CPLX2: variants seen among roughly 807,000 people sequenced by gnomAD.
The protein encoded by CPLX2 is complexin-2.
A neutral mutation model predicts 16.3 loss-of-function variants in CPLX2; 5 were observed. That is an observed-to-expected ratio of 0.31 (90% CI 0.16 to 0.64). CPLX2 has a LOEUF of 0.64. Ranked by LOEUF, CPLX2 falls within the 30% of genes least tolerant of loss-of-function variation. The pLI is 0.79. For missense variants in CPLX2, 144 were observed against 181.4 expected (o/e 0.79, Z 1.18); for synonymous variants, 89 against 73.2 (o/e 1.22, Z -1.10).
intron 1 of CPLX2, among the ~76,000 whole-genome samples, chr5:175,873,482 G>A (rs1211734672): frequency 8.5e-5 from 13 of 152,098 alleles, no homozygotes; most frequent in Non-Finnish European, 1.9e-4. Context: ...GTCCTGAGAG[G>A]AGCTCAGAGT....
intron 2 of CPLX2, among the ~76,000 whole-genome samples, chr5:175,836,077 G>A (rs141714200): frequency 1.1e-4 from 16 of 152,278 alleles, no homozygotes; most frequent in East Asian, 9.7e-4. Context: ...TAGGCCAGGC[G>A]CGGTGGCTCA....
chr5:175,829,072 A>G (rs909710891), intron 2 of CPLX2, among the ~76,000 whole-genome samples: 4 of 152,196 alleles, frequency 2.6e-5, no homozygotes, highest in African/African-American at 9.6e-5. Context: ...GGACCCTGGG[A>G]ATAGGCCTCT....
chr5:175,875,521 T>A (rs1759737997), intron 1 of CPLX2, among the ~76,000 whole-genome samples: 1 of 152,336 alleles, frequency 6.6e-6, no homozygotes, highest in African/African-American at 2.4e-5. Context: ...CCATTATAAT[T>A]CTCATTTTAT....
At chr5:175,873,932 T>A (rs1416616884) in intron 1 of CPLX2, among the ~76,000 whole-genome samples, 1 of 152,356 alleles carries the variant, frequency 6.6e-6, no homozygotes, top group South Asian at 2.1e-4. Flanking sequence ...GGGAATAGCA[T>A]GCACAAATGC....
In CPLX2 at chr5:175,818,650, C is replaced by CTTTTTT. The variant is rs70988300; in HGVS notation, c.-89+9606_-89+9611dup. 8.3e-4 allele frequency among the ~76,000 whole-genome samples: 42 copies of CTTTTTT among 50,866 alleles called. 7 individuals are homozygous for CTTTTTT. The highest frequency in any genetic ancestry group is 2.5e-3 in the Admixed American group (7 of 2,804). 33.4% of individuals were successfully genotyped at this position (50,866 alleles called of 152,430 possible). On this transcript the variant is annotated intron_variant, in intron 2 of 4. Coordinates refer to the CPLX2 transcript ENST00000359546. ...CTGCAAAAGGAGCTGCTGTCCCAAC[C>CTTTTTT]TTTTTTTTTTTTTTTTTTTTTTTTT... is the stretch of plus-strand genomic sequence containing the variant.
chr5:175,870,874 G>A (rs1249505370), upstream of CPLX2, among the ~76,000 whole-genome samples: 1 of 152,168 alleles, frequency 6.6e-6, no homozygotes, highest in Non-Finnish European at 1.5e-5. Context: ...GCGCAGTGGA[G>A]GTTCCTGACC....
At chr5:175,856,212 C>T (rs1271639893) in intron 2 of CPLX2, among the ~76,000 whole-genome samples, 4 of 152,206 alleles carry the variant, frequency 2.6e-5, no homozygotes, top group African/African-American at 9.7e-5. Flanking sequence ...TAGTACTTAC[C>T]TCATAAGGTG....
rs2113724315 is a variant in CPLX2, at chr5:175,883,420, C to T, written c.*3375C>T. 1 of 152,434 alleles carries T rather than the reference C, an allele frequency of 6.6e-6. No individual in the cohort carries two copies. The highest frequency in any genetic ancestry group is 2.4e-5 in the African/African-American group (1 of 41,548). The allele number at this position is 152,434 out of a possible 1,614,324, so 9.4% of individuals were successfully genotyped here. A position where few individuals can be genotyped will look rare whatever the true frequency, so the allele number is the denominator to read the frequency against. ...GTGTGTGTAAGAGAGAGAGAGAGAA[C>T]AGGGAGGATACAGAAGTATTGCAGC... is the stretch of plus-strand genomic sequence containing the variant. On this transcript the variant is annotated 3_prime_UTR_variant, in exon 4 of 4. Coordinates refer to ENST00000393745, the MANE Select transcript of CPLX2 (RefSeq NM_001008220.2).
rs1213491149 is a variant in CPLX2 at position 175,883,931 on chromosome 5, A to T, written c.*3886A>T. ...CTCAGCCCCCCTGAACCTGACCAAA[A>T]GCCATGGCTGTTGCTCCCCCCTTTG... On this transcript the variant is annotated 3_prime_UTR_variant, in exon 4 of 4. Coordinates refer to ENST00000393745, the MANE Select transcript of CPLX2 (RefSeq NM_001008220.2). 6.5e-6 allele frequency: 1 copy of T among 152,728 alleles called. No individual in the cohort carries two copies. Among genetic ancestry groups the T allele is most frequent in the Non-Finnish European group, 1.5e-5 (1 of 68,200 alleles). The allele number at this position is 152,728 out of a possible 1,614,324, so 9.5% of individuals were successfully genotyped here. A position where few individuals can be genotyped will look rare whatever the true frequency, so the allele number is the denominator to read the frequency against.
At chr5:175,815,665 C>A (rs984254283) in intron 2 of CPLX2, among the ~76,000 whole-genome samples, 2 of 152,208 alleles carry the variant, frequency 1.3e-5, no homozygotes, top group African/African-American at 2.4e-5. Flanking sequence ...GAACTAACTT[C>A]TACTCATCCA....
chr5:175,878,455 C>T (rs1755464624), intron 1 of CPLX2, 197 bp from the exon 2 acceptor site: 5 of 537,624 alleles, frequency 9.3e-6, no homozygotes, highest in Non-Finnish European at 1.3e-5. Context: ...TTTCAAAAAG[C>T]TATTTGGCAG....
Position 175,880,138 on chromosome 5 carries a change from GA to G in CPLX2, c.*97del. On this transcript the variant is annotated 3_prime_UTR_variant, in exon 4 of 4. Transcript: ENST00000393745. ...TAGGTTAAGTCTCAATTCTGAAGGGGAAAACCTCAGTTGGCCTCTGCCCCTC... is the reference window on the plus strand; with the variant it reads ...TAGGTTAAGTCTCAATTCTGAAGGGGAAACCTCAGTTGGCCTCTGCCCCTC... 7.1e-7 allele frequency: 1 copy of G among 1,407,828 alleles called. No individual in the cohort carries two copies. Among genetic ancestry groups the G allele is most frequent in the East Asian group, 2.5e-5 (1 of 40,256 alleles). The allele number at this position is 1,407,828 out of a possible 1,614,324, so 87.2% of individuals were successfully genotyped here. A position where few individuals can be genotyped will look rare whatever the true frequency, so the allele number is the denominator to read the frequency against.
At chr5:175,797,319 C>G (rs996929661) in intron 1 of CPLX2, among the ~76,000 whole-genome samples, 7 of 152,134 alleles carry the variant, frequency 4.6e-5, no homozygotes, top group African/African-American at 1.7e-4. Flanking sequence ...AGCACAGCCG[C>G]GCGTCTCCGG....
At position 175,883,883 on chromosome 5, in the gene CPLX2, T is replaced by TG. The variant is rs1253374333; in HGVS notation, c.*3844dup. 6.5e-6 allele frequency: 1 copy of TG among 152,860 alleles called. No individual in the cohort carries two copies. The highest frequency in any genetic ancestry group is 2.4e-5 in the African/African-American group (1 of 41,532). The allele number at this position is 152,860 out of a possible 1,614,324, so 9.5% of individuals were successfully genotyped here. On this transcript the variant is annotated 3_prime_UTR_variant, in exon 4 of 4. Transcript: ENST00000393745. ...TGCTTCCTTTCAATGTGTCAGTGCC[T>TG]GGGGGGAGGGGAGGAGCACCCCCTC...
rs560231795 is a variant in CPLX2 at position 175,881,258 on chromosome 5, A to C, written c.*1213A>C. ...GATTGTGTGTTCAGAGATCATATGC[A>C]TATGTGTAGGGCTGGAGCGTGTGTG... is the stretch of plus-strand genomic sequence containing the variant. On this transcript the variant is annotated 3_prime_UTR_variant, in exon 4 of 4. Coordinates refer to ENST00000393745, the MANE Select transcript of CPLX2 (RefSeq NM_001008220.2). The C allele has an allele frequency of 1.7e-4, 26 of 153,478 alleles. No individual in the cohort carries two copies. The highest frequency in any genetic ancestry group is 6.3e-4 in the African/African-American group (26 of 41,534). The allele number at this position is 153,478 out of a possible 1,614,324, so 9.5% of individuals were successfully genotyped here.
Position 175,880,313 on chromosome 5 carries a change from A to C in CPLX2, c.*268A>C. ...TCAGGGGGGCCCCTCAGGAAGCCTA[A>C]GGTCGTGCTAGTGTGGTGACCCCCA... On this transcript the variant is annotated 3_prime_UTR_variant, in exon 4 of 4. Coordinates refer to ENST00000393745, the MANE Select transcript of CPLX2 (RefSeq NM_001008220.2). The C allele has an allele frequency of 1.9e-6, 1 of 518,536 alleles. No homozygotes were observed. Among genetic ancestry groups the C allele is most frequent in the Non-Finnish European group, 3.5e-6 (1 of 283,260 alleles). The allele number at this position is 518,536 out of a possible 1,614,324, so 32.1% of individuals were successfully genotyped here.
intron 2 of CPLX2, among the ~76,000 whole-genome samples, chr5:175,843,652 C>T (rs1303565904): frequency 6.6e-6 from 1 of 152,246 alleles, no homozygotes; most frequent in East Asian, 1.9e-4. Context: ...GGGGAGGCCA[C>T]TCCTCACCAG....
intron 2 of CPLX2, among the ~76,000 whole-genome samples, chr5:175,858,488 G>T (rs1759302478): frequency 6.6e-6 from 1 of 152,210 alleles, no homozygotes; most frequent in South Asian, 2.1e-4. Flanking sequence ...ATCAAGGCAT[G>T]GGCAGCGTGA....
At chr5:175,856,799 G>A (rs1009397549) in intron 2 of CPLX2, among the ~76,000 whole-genome samples, 3 of 152,146 alleles carry the variant, frequency 2.0e-5, no homozygotes, top group Non-Finnish European at 4.4e-5. Flanking sequence ...TGGGGGGTGG[G>A]GAGGACCAGC....
Sources: allele counts gnomAD v4.1 joint callset (sites outside exome capture counted in the v4.1 genomes callset), GRCh38; gene constraint gnomAD v4.1.1; transcripts MANE v1.5; gene names NCBI Gene and HGNC (gene_info 2026-07-23, HGNC 2026-07-21).